The following NAV3 variants were observed in gnomAD, a reference collection of about 807,000 sequenced individuals.
NAV3 encodes neuron navigator 3, also known as pore membrane and/or filament interacting like protein 1.
Under a neutral mutation model 244.7 loss-of-function variants are expected in NAV3, and 87 were observed. The ratio of observed to expected loss-of-function variants is 0.36; its 90% CI spans 0.30 to 0.42. NAV3 has a LOEUF of 0.42. Among genes scored for constraint, NAV3 ranks in the 20% least tolerant of loss-of-function variants. The probability of loss-of-function intolerance (pLI) is 1.00; values close to 1 mark genes in which losing one functional copy is unlikely to be tolerated. For missense variants in NAV3, 2,663 were observed against 2,893.3 expected (o/e 0.92, Z 1.83); for synonymous variants, 1,126 against 1,042.2 (o/e 1.08, Z -1.55).
At chr12:77,805,579 T>C (rs1871933648) in intron 2 of NAV3, among the ~76,000 whole-genome samples, 1 of 152,204 alleles carries the variant, frequency 6.6e-6, no homozygotes, top group African/African-American at 2.4e-5. Flanking sequence ...CAGTATTTTA[T>C]TGAGTATTTT....
intron 1 of NAV3, among the ~76,000 whole-genome samples, chr12:77,933,678 A>G (rs1442003714): frequency 1.3e-5 from 2 of 152,154 alleles, no homozygotes; most frequent in Non-Finnish European, 2.9e-5. Flanking sequence ...TGTTACCCAA[A>G]ACTTTTAATG....
chr12:77,595,627 ACAT>A (rs1274893005), intron 2 of NAV3, among the ~76,000 whole-genome samples: 1 of 152,150 alleles, frequency 6.6e-6, no homozygotes, highest in Non-Finnish European at 1.5e-5. Flanking sequence ...GAATATCAAA[ACAT>A]CATGTCATAA....
chr12:77,654,474 A>G (rs111554134), intron 2 of NAV3, among the ~76,000 whole-genome samples: 3 of 152,178 alleles, frequency 2.0e-5, no homozygotes, highest in Admixed American at 2.0e-4. Flanking sequence ...GGTGGAGCCC[A>G]CCACAGCTCA....
chr12:78,153,035 A>T (rs1302479091), intron 22 of NAV3, among the ~76,000 whole-genome samples: 1 of 151,902 alleles, frequency 6.6e-6, no homozygotes. Flanking sequence ...TGTGACATGT[A>T]CTCTCATAGC....
At chr12:77,891,678 T>C (rs375428899) in intron 1 of NAV3, among the ~76,000 whole-genome samples, 7 of 152,230 alleles carry the variant, frequency 4.6e-5, no homozygotes, top group Non-Finnish European at 8.8e-5. Flanking sequence ...TAACAAACAC[T>C]GTTTAGTGAA....
At chr12:78,050,583 G>T (rs1388126831) in intron 10 of NAV3, among the ~76,000 whole-genome samples, 181 bp from the exon 11 acceptor site, 3 of 152,098 alleles carry the variant, frequency 2.0e-5, no homozygotes, top group African/African-American at 7.2e-5. Context: ...CAAACGAAAA[G>T]CTATAAAATG....
chr12:78,120,117 G>A (rs1447897396), intron 15 of NAV3, among the ~76,000 whole-genome samples, 172 bp downstream of exon 15: 1 of 150,890 alleles, frequency 6.6e-6, no homozygotes, highest in Non-Finnish European at 1.5e-5. Context: ...CATATAAACA[G>A]CTAGCAAAAA....
In NAV3 at chr12:78,181,737, G is replaced by A. The variant is rs138575136; in HGVS notation, c.5692+692G>A. On this transcript the variant is annotated intron_variant, in intron 30 of 39. Transcript: ENST00000397909. ...AGGATCTATGGTAATTGTGAAGCAC[G>A]GCCACCAGATGACGCTTGGAAACCA... is the stretch of plus-strand genomic sequence containing the variant. Among the ~76,000 whole-genome samples the A allele has an allele frequency of 2.0e-3, 311 of 152,060 alleles. 8 individuals are homozygous for A. Among genetic ancestry groups the A allele is most frequent in the Admixed American group, 0.017 (256 of 15,216 alleles).
chr12:77,753,628 T>C lies in NAV3; in HGVS notation c.72+181362T>C, dbSNP rs1868976013. On this transcript the variant is annotated intron_variant, in intron 2 of 8. Coordinates refer to the NAV3 transcript ENST00000550042. ...ATTAAAAATGAGGTGTTTTATTCTC[T>C]CTTATCCCTTGCCACAGTCAGTAGA... Among the ~76,000 whole-genome samples the C allele has an allele frequency of 2.0e-5, 3 of 152,298 alleles. No homozygotes were observed. The South Asian group carries it at 6.2e-4, about 32-fold the overall frequency.
chr12:78,071,414 T>C (rs1026440614), intron 12 of NAV3, among the ~76,000 whole-genome samples: 3 of 152,136 alleles, frequency 2.0e-5, no homozygotes, highest in African/African-American at 7.2e-5. Flanking sequence ...GTTTTTTTTC[T>C]TGTAAATTTG....
intron 2 of NAV3, among the ~76,000 whole-genome samples, chr12:77,663,651 A>G (rs979746261): frequency 1.3e-5 from 2 of 151,848 alleles, no homozygotes; most frequent in African/African-American, 2.4e-5. Context: ...CCTCCCAAGT[A>G]GCTGGAATTA....
chr12:77,987,582 C>G (rs551078284), intron 5 of NAV3, among the ~76,000 whole-genome samples: 40 of 152,010 alleles, frequency 2.6e-4, no homozygotes, highest in Non-Finnish European at 5.6e-4. Flanking sequence ...TTTGAAAATG[C>G]CACCCAGTAA....
intron 1 of NAV3, among the ~76,000 whole-genome samples, chr12:77,849,352 G>T (rs934284485): frequency 6.6e-6 from 1 of 152,112 alleles, no homozygotes; most frequent in African/African-American, 2.4e-5. Flanking sequence ...GACTGTTCAT[G>T]ATTTATTGGA....
In NAV3 at chr12:77,968,583, G is replaced by A. The variant is rs758622389; in HGVS notation, c.552G>A (p.Gln184=). 1 of 1,614,066 alleles carries A rather than the reference G, an allele frequency of 6.2e-7. No homozygotes were observed. Among genetic ancestry groups the A allele is most frequent in the Non-Finnish European group, 8.5e-7 (1 of 1,179,990 alleles). Residue 184 remains glutamine (Q), a synonymous_variant, in exon 5 of 40, where the codon CAG becomes CAA. Transcript: ENST00000397909. ...GLFFSLSRYK[Q]QQHHQQQYYQ... is the part of the protein sequence containing the mutation. ...TTTTCAGTTTATCTCGCTACAAGCAGCAACAACACCATCAACAACAGTACT... is the reference window on the plus strand; with the variant it reads ...TTTTCAGTTTATCTCGCTACAAGCAACAACAACACCATCAACAACAGTACT...
rs140971171 is a variant in NAV3, at chr12:77,764,634, T to C, written c.73-175685T>C. Among the ~76,000 whole-genome samples the C allele has an allele frequency of 2.8e-3, 434 of 152,380 alleles. 4 individuals are homozygous for C. The highest frequency in any genetic ancestry group is 9.9e-3 in the African/African-American group (412 of 41,600). On this transcript the variant is annotated intron_variant, in intron 2 of 8. Coordinates refer to the NAV3 transcript ENST00000550042. ...GGATTTTTCAAAAGAGAGCCTCGTT[T>C]AATAAATTAGTTCTACAGTGTTTTT...
intron 33 of NAV3, among the ~76,000 whole-genome samples, chr12:78,189,137 C>A (rs1958858564): frequency 6.6e-6 from 1 of 151,714 alleles, no homozygotes; most frequent in Non-Finnish European, 1.5e-5. Context: ...ATTGATATAT[C>A]TTTGATTTTA....
chr12:77,863,864 T>A (rs1195820540), intron 1 of NAV3, among the ~76,000 whole-genome samples: 1 of 151,944 alleles, frequency 6.6e-6, no homozygotes, highest in Non-Finnish European at 1.5e-5. Flanking sequence ...TCAAATTATT[T>A]TCATTCTTTG....
At position 78,148,894 on chromosome 12, in the gene NAV3, C is replaced by A. The variant is rs766762443; in HGVS notation, c.4760C>A (p.Thr1587Asn). 6 of 1,612,592 alleles carry A rather than the reference C, an allele frequency of 3.7e-6. No homozygotes were observed. In the South Asian group the frequency reaches 6.6e-5, roughly 18 times the overall value. ...GTTGCATCACAAGAAAAAGTTGCTA[C>A]CCTCACATCTCAGCTTTCAGCAAAT... is the stretch of plus-strand genomic sequence containing the variant. ...ELVASQEKVA[T>N]LTSQLSANAH... The change falls in exon 22 of 40, where the codon ACC becomes AAC. Residue 1587 changes from threonine to asparagine, a missense_variant. Transcript: ENST00000397909.
intron 5 of NAV3, among the ~76,000 whole-genome samples, chr12:77,984,434 A>C (rs1196635483): frequency 1.3e-5 from 2 of 151,650 alleles, no homozygotes; most frequent in African/African-American, 4.8e-5. Flanking sequence ...TTCACACAGG[A>C]TTCATTAGAA....
Sources: allele counts gnomAD v4.1 joint callset (sites outside exome capture counted in the v4.1 genomes callset), GRCh38; gene constraint gnomAD v4.1.1; transcripts MANE v1.5; gene names NCBI Gene and HGNC (gene_info 2026-07-23, HGNC 2026-07-21).